Variants in WDPCP observed in about 807,000 individuals in gnomAD.
The protein encoded by WDPCP is WD repeat containing planar cell polarity effector.
Under a neutral mutation model 93.1 loss-of-function variants are expected in WDPCP, and 71 were observed. That is an observed-to-expected ratio of 0.76 (90% CI 0.63 to 0.93). The LOEUF (loss-of-function observed/expected upper bound fraction) is 0.93. Ranked by LOEUF, WDPCP falls within the 40% of genes least tolerant of loss-of-function variation. The probability of loss-of-function intolerance (pLI) is 0.00; values close to 1 mark genes in which losing one functional copy is unlikely to be tolerated. For synonymous variants in WDPCP, 315 were observed against 315.0 expected (o/e 1.00, Z 0.00); for missense variants, 844 against 887.4 (o/e 0.95, Z 0.62).
chr2:63,121,894 T>G lies in WDPCP; in HGVS notation c.*112A>C. 1 of 1,530,520 alleles carries G rather than the reference T, an allele frequency of 6.5e-7. No individual in the cohort carries two copies. Among genetic ancestry groups the G allele is most frequent in the Non-Finnish European group, 8.8e-7 (1 of 1,141,244 alleles). The allele number at this position is 1,530,520 out of a possible 1,614,324, so 94.8% of individuals were successfully genotyped here. A position where few individuals can be genotyped will look rare whatever the true frequency, so the allele number is the denominator to read the frequency against. On this transcript the variant is annotated 3_prime_UTR_variant, in exon 18 of 18. Coordinates refer to ENST00000272321, the MANE Select transcript of WDPCP (RefSeq NM_015910.7). The stretch of plus-strand genomic sequence containing the variant: ...ACTCAACTCAAAACTCTTAACTAAT[T>G]TATATGATTCATACTGTCTCTTGTT...
chr2:63,678,601 AG>A (rs1217460963), intron 2 of WDPCP, among the ~76,000 whole-genome samples: 1 of 152,182 alleles, frequency 6.6e-6, no homozygotes, highest in African/African-American at 2.4e-5. Context: ...TGCAGAGGCT[AG>A]GGAGCTAAAA....
chr2:63,142,314 A>G (rs1360393376), intron 17 of WDPCP, among the ~76,000 whole-genome samples: 2 of 152,168 alleles, frequency 1.3e-5, no homozygotes, highest in African/African-American at 4.8e-5. Context: ...GCTGTATCCC[A>G]GAGGTTTTGA....
In WDPCP at chr2:63,648,736, A is replaced by G. The variant is rs1016654630; in HGVS notation, n.488+1923T>C. 2.6e-5 allele frequency among the ~76,000 whole-genome samples: 4 copies of G among 152,222 alleles called. No homozygotes were observed. The East Asian group carries it at 7.7e-4, about 29-fold the overall frequency. The stretch of plus-strand genomic sequence containing the variant: ...CTTTTTACTGCTGAATTTTGGCAAC[A>G]TTCTTAAATGCCCATAACTGAATCC... On this transcript the variant is annotated intron_variant and non_coding_transcript_variant, in intron 3 of 4. Transcript: ENST00000467687.
intron 1 of WDPCP, among the ~76,000 whole-genome samples, chr2:63,570,250 G>A (rs895227581): frequency 6.6e-6 from 1 of 152,060 alleles, no homozygotes; most frequent in Non-Finnish European, 1.5e-5. Flanking sequence ...ATTTAACTTG[G>A]AAAAAGGGTT....
intron 13 of WDPCP, among the ~76,000 whole-genome samples, chr2:63,270,231 T>C (rs2677440): frequency 0.81 from 123,583 of 152,170 alleles, 50,942 homozygotes; most frequent in East Asian, 0.96. Context: ...TGGAAAGAAT[T>C]GATATTTTAT....
At chr2:63,602,579 T>C (rs563305349) in intron 3 of WDPCP, among the ~76,000 whole-genome samples, 1 of 152,260 alleles carries the variant, frequency 6.6e-6, no homozygotes, top group East Asian at 1.9e-4. Context: ...TCTTTATGAA[T>C]GATTCTATGA....
At chr2:63,662,296 A>C (rs936278538) in intron 2 of WDPCP, among the ~76,000 whole-genome samples, 1 of 152,174 alleles carries the variant, frequency 6.6e-6, no homozygotes, top group African/African-American at 2.4e-5. Context: ...GTAAATGGTG[A>C]TAATAGTTTA....
At chr2:63,680,145 C>T (rs2103628234) in intron 2 of WDPCP, among the ~76,000 whole-genome samples, 1 of 152,320 alleles carries the variant, frequency 6.6e-6, no homozygotes, top group South Asian at 2.1e-4. Flanking sequence ...CTTCACTGAT[C>T]ACCTCCCCAA....
intron 1 of WDPCP, among the ~76,000 whole-genome samples, chr2:63,558,769 C>T (rs569330780): frequency 4.6e-5 from 7 of 151,588 alleles, no homozygotes; most frequent in Non-Finnish European, 8.8e-5. Flanking sequence ...ATAACAAGTT[C>T]TGAAATTGAG....
chr2:63,138,126 A>G (rs1173058195), intron 17 of WDPCP, among the ~76,000 whole-genome samples: 2 of 96,208 alleles, frequency 2.1e-5, no homozygotes, highest in Admixed American at 1.2e-4. Context: ...CTGTTTGGTG[A>G]TTTAGATTAT....
At chr2:63,661,426 T>A (rs1440300082) in intron 2 of WDPCP, among the ~76,000 whole-genome samples, 1 of 152,214 alleles carries the variant, frequency 6.6e-6, no homozygotes, top group East Asian at 1.9e-4. Context: ...CTGTAAACTT[T>A]TTGAAGGCTA....
At chr2:63,623,009 C>T (rs560670281) in intron 3 of WDPCP, among the ~76,000 whole-genome samples, 8 of 152,334 alleles carry the variant, frequency 5.3e-5, no homozygotes, top group South Asian at 2.1e-4. Flanking sequence ...TCCGACCGCG[C>T]GCCACTTCCG....
intron 2 of WDPCP, among the ~76,000 whole-genome samples, chr2:63,709,477 T>C (rs144020917): frequency 1.4e-3 from 219 of 152,314 alleles, no homozygotes; most frequent in Non-Finnish European, 2.1e-3. Flanking sequence ...GATTACGCTA[T>C]GAAAAATATT....
intron 3 of WDPCP, among the ~76,000 whole-genome samples, chr2:63,628,593 T>C (rs1028037848): frequency 6.6e-6 from 1 of 152,192 alleles, no homozygotes; most frequent in Non-Finnish European, 1.5e-5. Context: ...AAGCTTCTGT[T>C]CTATGAGGAA....
In WDPCP at chr2:63,610,402, C is replaced by T. The variant is rs1183629123; in HGVS notation, n.488+40257G>A. Among the ~76,000 whole-genome samples, 3 of 151,840 alleles carry T rather than the reference C, an allele frequency of 2.0e-5. No homozygotes were observed. The East Asian group carries it at 5.8e-4, about 29-fold the overall frequency. On this transcript the variant is annotated intron_variant and non_coding_transcript_variant, in intron 3 of 4. Coordinates refer to the WDPCP transcript ENST00000467687. The stretch of plus-strand genomic sequence containing the variant: ...GCAGCTTTATTTAATTCTAATAAAA[C>T]ATAAAGAAGGAGTGGGGGAAAAACC...
At chr2:63,179,407 A>G (rs1056557097) in intron 14 of WDPCP, among the ~76,000 whole-genome samples, 1 of 151,876 alleles carries the variant, frequency 6.6e-6, no homozygotes, top group African/African-American at 2.4e-5. Context: ...ATGGTTTAGC[A>G]CCATCCCCTT....
intron 12 of WDPCP, among the ~76,000 whole-genome samples, chr2:63,377,489 GTA>G (rs1184141771): frequency 6.6e-6 from 1 of 150,378 alleles, no homozygotes; most frequent in Non-Finnish European, 1.5e-5. Context: ...ATATGTATGT[GTA>G]TATATACACA....
chr2:63,770,424 A>G (rs1389232086), intron 2 of WDPCP, among the ~76,000 whole-genome samples: 2 of 152,004 alleles, frequency 1.3e-5, no homozygotes, highest in East Asian at 3.8e-4. Context: ...GAAGTGTTAA[A>G]GTGAAGCATA....
At chr2:63,337,914 A>G (rs535907109) in intron 12 of WDPCP, among the ~76,000 whole-genome samples, 10 of 152,294 alleles carry the variant, frequency 6.6e-5, no homozygotes, top group Non-Finnish European at 1.2e-4. Context: ...TGTCAAATGA[A>G]TAATTTGCAA....
Sources: allele counts gnomAD v4.1 joint callset (sites outside exome capture counted in the v4.1 genomes callset), GRCh38; gene constraint gnomAD v4.1.1; transcripts MANE v1.5; gene names NCBI Gene and HGNC (gene_info 2026-07-23, HGNC 2026-07-21).